CDS1: variants seen among roughly 807,000 people sequenced by gnomAD.
CDS1 encodes phosphatidate cytidylyltransferase 1.
In CDS1, 41 loss-of-function variants were observed where a neutral mutation model predicts 62.1. That is an observed-to-expected ratio of 0.66 (90% CI 0.51 to 0.86). The LOEUF (loss-of-function observed/expected upper bound fraction) is 0.86, where lower values mean the gene tolerates loss of function less well. Ranked by LOEUF, CDS1 falls within the 40% of genes least tolerant of loss-of-function variation. CDS1 has a pLI of 0.00. For synonymous variants in CDS1, 185 were observed against 192.6 expected (o/e 0.96, Z 0.32); for missense variants, 470 against 550.1 (o/e 0.85, Z 1.46).
At chr4:84,584,672 A>T (rs990188426) in intron 1 of CDS1, among the ~76,000 whole-genome samples, 1 of 152,258 alleles carries the variant, frequency 6.6e-6, no homozygotes, top group African/African-American at 2.4e-5. Context: ...AACATATCAC[A>T]TGATATCACG....
At chr4:84,617,441 T>A (rs1723532106) in intron 3 of CDS1, 123 bp from the exon 4 acceptor site, 1 of 610,208 alleles carries the variant, frequency 1.6e-6, no homozygotes, top group Non-Finnish European at 2.9e-6. Flanking sequence ...TACTGACATT[T>A]AGCATAATTA....
chr4:84,638,266 A>G (rs551752514), intron 8 of CDS1, among the ~76,000 whole-genome samples: 17 of 152,152 alleles, frequency 1.1e-4, no homozygotes, highest in Middle Eastern at 3.2e-3. Context: ...GCCTGAATCC[A>G]ACACAAACAA....
At position 84,591,063 on chromosome 4, in the gene CDS1, A is replaced by G. The variant is rs1046196647; in HGVS notation, c.117+7545A>G. Among the ~76,000 whole-genome samples the G allele has an allele frequency of 3.8e-4, 58 of 152,190 alleles. 1 individual carries two copies. The highest frequency in any genetic ancestry group is 1.3e-3 in the African/African-American group (54 of 41,430). ...GTTTCTTTTCCTTTTTAACACAAAC[A>G]ATATTTTGTTTGTCAAAATATACTG... On this transcript the variant is annotated intron_variant, in intron 1 of 12. Coordinates refer to ENST00000295887, the MANE Select transcript of CDS1 (RefSeq NM_001263.4).
intron 7 of CDS1, among the ~76,000 whole-genome samples, chr4:84,634,778 G>A (rs1724126462): frequency 6.6e-6 from 1 of 152,058 alleles, no homozygotes; most frequent in South Asian, 2.1e-4. Flanking sequence ...AGTAGGTTCT[G>A]TACATTCAGT....
intron 5 of CDS1, among the ~76,000 whole-genome samples, chr4:84,619,903 A>G (rs1490500713): frequency 6.6e-6 from 1 of 151,716 alleles, no homozygotes; most frequent in Non-Finnish European, 1.5e-5. Context: ...ATAGTGGCAC[A>G]TGCCTATAAT....
At chr4:84,613,335 A>G (rs965557063) in intron 3 of CDS1, among the ~76,000 whole-genome samples, 2 of 152,158 alleles carry the variant, frequency 1.3e-5, no homozygotes, top group South Asian at 4.2e-4. Context: ...GAGGTCGGGC[A>G]CAGTGGCTCA....
intron 5 of CDS1, among the ~76,000 whole-genome samples, chr4:84,630,791 C>T (rs865884503): frequency 2.0e-5 from 3 of 151,330 alleles, no homozygotes; most frequent in Admixed American, 1.3e-4. Context: ...AGCCATAGAG[C>T]GACACTTGAC....
intron 5 of CDS1, among the ~76,000 whole-genome samples, chr4:84,627,090 A>T (rs1432270774): frequency 3.3e-5 from 5 of 152,258 alleles, no homozygotes; most frequent in Non-Finnish European, 7.3e-5. Flanking sequence ...TCTGTTAAAC[A>T]ATATTCCAAG....
intron 10 of CDS1, among the ~76,000 whole-genome samples, chr4:84,641,910 T>C (rs1490051998): frequency 6.6e-6 from 1 of 152,254 alleles, no homozygotes; most frequent in Non-Finnish European, 1.5e-5. Flanking sequence ...CTCTGAGTGC[T>C]CAGTACATGG....
intron 1 of CDS1, among the ~76,000 whole-genome samples, chr4:84,597,498 G>A (rs570465874): frequency 1.1e-4 from 16 of 152,206 alleles, no homozygotes; most frequent in African/African-American, 3.4e-4. Context: ...AAATTAGCCA[G>A]GTGTGGTGGC....
chr4:84,612,771 A>G (rs1303253281), intron 3 of CDS1, among the ~76,000 whole-genome samples: 4 of 151,996 alleles, frequency 2.6e-5, no homozygotes, highest in African/African-American at 9.7e-5. Flanking sequence ...CAGGTAGATC[A>G]TTTGAGGTCA....
chr4:84,616,359 C>T (rs1408966563), intron 3 of CDS1, among the ~76,000 whole-genome samples: 1 of 152,068 alleles, frequency 6.6e-6, no homozygotes, highest in Non-Finnish European at 1.5e-5. Flanking sequence ...TGTGATTGGA[C>T]ACGTAATCAG....
At chr4:84,615,582 C>A (rs554117797) in intron 3 of CDS1, among the ~76,000 whole-genome samples, 1 of 152,050 alleles carries the variant, frequency 6.6e-6, no homozygotes, top group Non-Finnish European at 1.5e-5. Flanking sequence ...CCGTTGCCCA[C>A]CCCCTCCCCC....
At chr4:84,610,164 G>C (rs1211135076) in intron 3 of CDS1, among the ~76,000 whole-genome samples, 2 of 152,184 alleles carry the variant, frequency 1.3e-5, no homozygotes, top group African/African-American at 4.8e-5. Flanking sequence ...TAAGTTCTAT[G>C]ATAGAACATG....
At chr4:84,627,349 G>C (rs1444232822) in intron 5 of CDS1, among the ~76,000 whole-genome samples, 1 of 152,102 alleles carries the variant, frequency 6.6e-6, no homozygotes, top group African/African-American at 2.4e-5. Context: ...AGATAATTTT[G>C]TTGCAAAATG....
chr4:84,583,600 C>A (rs2110027072), intron 1 of CDS1, 82 bp downstream of exon 1: 2 of 775,166 alleles, frequency 2.6e-6, no homozygotes, highest in East Asian at 3.3e-5. Flanking sequence ...AAGGGTGGGG[C>A]CCGTCCAGCG....
At chr4:84,594,751 A>G (rs1050175914) in intron 1 of CDS1, among the ~76,000 whole-genome samples, 13 of 152,112 alleles carry the variant, frequency 8.5e-5, no homozygotes, top group Non-Finnish European at 1.3e-4. Context: ...ATCTTGCCAT[A>G]TATACACAGT....
In CDS1 at chr4:84,583,130, T is replaced by G; in HGVS notation, c.-272T>G. On this transcript the variant is annotated 5_prime_UTR_variant, in exon 1 of 13. Coordinates refer to ENST00000295887, the MANE Select transcript of CDS1 (RefSeq NM_001263.4). ...GGCAACCGGAGGCCGCGTCTCCGCC[T>G]TCTCTGCTCGCGCCTGGCGCCCGGA... 2.5e-6 allele frequency: 1 copy of G among 393,830 alleles called. No homozygotes were observed. Among genetic ancestry groups the G allele is most frequent in the Non-Finnish European group, 4.6e-6 (1 of 219,220 alleles). 24.4% of individuals were successfully genotyped at this position (393,830 alleles called of 1,614,324 possible).
chr4:84,607,153 A>G (rs997828992), intron 2 of CDS1, among the ~76,000 whole-genome samples: 1 of 152,216 alleles, frequency 6.6e-6, no homozygotes, highest in African/African-American at 2.4e-5. Context: ...GCTGGAAAAA[A>G]ATGTATGTTG....
Sources: allele counts gnomAD v4.1 joint callset (sites outside exome capture counted in the v4.1 genomes callset), GRCh38; gene constraint gnomAD v4.1.1; transcripts MANE v1.5; gene names NCBI Gene and HGNC (gene_info 2026-07-23, HGNC 2026-07-21).